Variants in CADM1 observed in about 807,000 individuals in gnomAD.
CADM1 encodes TSLC-1.
In CADM1, 15 loss-of-function variants were observed where a neutral mutation model predicts 53.1. The observed-to-expected ratio is 0.28, with a 90% CI of 0.19 to 0.44. CADM1 has a LOEUF of 0.44. CADM1 is among the 20% of genes least tolerant of loss of function. The probability of loss-of-function intolerance (pLI) is 1.00; values close to 1 mark genes in which losing one functional copy is unlikely to be tolerated. For synonymous variants in CADM1, 281 were observed against 243.0 expected, an observed-to-expected ratio of 1.16 and a Z score of -1.45; for missense variants, 434 against 611.3, an observed-to-expected ratio of 0.71 and a Z score of 3.06.
intron 7 of CADM1, 128 bp from the exon 8 acceptor site, chr11:115,209,785 TCTTTCC>T (rs999845850): frequency 5.9e-5 from 64 of 1,085,094 alleles, no homozygotes; most frequent in Non-Finnish European, 8.2e-5. Context: ...AACCAAAAGT[TCTTTCC>T]CTGCAAGATT....
intron 1 of CADM1, among the ~76,000 whole-genome samples, chr11:115,349,811 T>A (rs2135054584): frequency 6.6e-6 from 1 of 152,264 alleles, no homozygotes; most frequent in African/African-American, 2.4e-5. Context: ...GGTCCCTCCA[T>A]TAGAGGGATT....
intron 1 of CADM1, among the ~76,000 whole-genome samples, chr11:115,400,616 T>C (rs1028524448): frequency 7.1e-6 from 1 of 140,792 alleles, no homozygotes; most frequent in African/African-American, 2.6e-5. Flanking sequence ...AATATATATC[T>C]TTTATATATA....
At chr11:115,349,875 A>G (rs942605997) in intron 1 of CADM1, among the ~76,000 whole-genome samples, 4 of 152,280 alleles carry the variant, frequency 2.6e-5, no homozygotes, top group African/African-American at 9.6e-5. Flanking sequence ...TCGGGGAGGT[A>G]GTTCACAATA....
At chr11:115,246,205 T>C (rs1300916521) in intron 1 of CADM1, among the ~76,000 whole-genome samples, 1 of 152,208 alleles carries the variant, frequency 6.6e-6, no homozygotes, top group Non-Finnish European at 1.5e-5. Context: ...TTAGTATTTA[T>C]CTAAAATCAA....
chr11:115,385,654 G>A (rs888220307), intron 1 of CADM1, among the ~76,000 whole-genome samples: 3 of 145,010 alleles, frequency 2.1e-5, no homozygotes, highest in Non-Finnish European at 3.0e-5. Context: ...AAAAAAGCCC[G>A]CCACAGGTAC....
At chr11:115,238,384 T>G in intron 3 of CADM1, 116 bp downstream of exon 3, 1 of 1,132,204 alleles carries the variant, frequency 8.8e-7, no homozygotes, top group Non-Finnish European at 1.3e-6. Context: ...AGATGGGCGG[T>G]GATTCTTCCT....
chr11:115,488,990 T>C (rs1949436465), intron 1 of CADM1, among the ~76,000 whole-genome samples: 1 of 152,152 alleles, frequency 6.6e-6, no homozygotes, highest in African/African-American at 2.4e-5. Context: ...TCTAAGAATA[T>C]ATATATCTCA....
intron 9 of CADM1, among the ~76,000 whole-genome samples, chr11:115,194,533 T>G (rs1462900484): frequency 1.3e-5 from 2 of 152,198 alleles, no homozygotes; most frequent in Non-Finnish European, 2.9e-5. Context: ...AATTGCATAC[T>G]GAATTAAGAA....
At chr11:115,233,926 A>G (rs4409873) in intron 3 of CADM1, among the ~76,000 whole-genome samples, 131,529 of 152,238 alleles carry the variant, frequency 0.86, 56,985 homozygotes, top group African/African-American at 0.91. Context: ...TAGGGAATGG[A>G]CCAGATCAGA....
intron 3 of CADM1, among the ~76,000 whole-genome samples, chr11:115,231,986 CAATAATAAT>C (rs34209440): frequency 1.1e-4 from 16 of 148,380 alleles, no homozygotes; most frequent in African/African-American, 1.5e-4. Context: ...AACTCCGTCT[CAATAATAAT>C]AATAATAATA....
intron 1 of CADM1, among the ~76,000 whole-genome samples, chr11:115,382,789 A>G (rs1946610366): frequency 6.6e-6 from 1 of 152,236 alleles, no homozygotes; most frequent in South Asian, 2.1e-4. Context: ...AAACTGTAAG[A>G]TCCAGGAACG....
chr11:115,467,970 T>C (rs1295692451), intron 1 of CADM1, among the ~76,000 whole-genome samples: 2 of 152,234 alleles, frequency 1.3e-5, no homozygotes, highest in Admixed American at 6.5e-5. Flanking sequence ...ATCTTGATTA[T>C]AGCCACCAAT....
chr11:115,429,237 A>C lies in CADM1; in HGVS notation c.124+75034T>G, dbSNP rs77415537. Among the ~76,000 whole-genome samples the C allele has an allele frequency of 6.5e-4, 99 of 152,356 alleles. No homozygotes were observed. The East Asian group carries it at 0.019, about 29-fold the overall frequency. ...ATTAAAAATTGCTGAGAACTAAAAA[A>C]AATAGCACTCTCTGAATGCAGAATG... On this transcript the variant is annotated intron_variant, in intron 1 of 11. Transcript: ENST00000331581.
At chr11:115,435,714 G>A (rs1948169328) in intron 1 of CADM1, among the ~76,000 whole-genome samples, 1 of 152,204 alleles carries the variant, frequency 6.6e-6, no homozygotes, top group African/African-American at 2.4e-5. Flanking sequence ...CTGGGCCATA[G>A]AGTGAGACTC....
intron 5 of CADM1, 71 bp downstream of exon 5, chr11:115,229,042 T>A (rs1292472108): frequency 2.9e-5 from 41 of 1,436,642 alleles, no homozygotes; most frequent in Non-Finnish European, 3.2e-5. Flanking sequence ...ATGCATTGAA[T>A]AAATGGCTTC....
intron 1 of CADM1, among the ~76,000 whole-genome samples, chr11:115,460,685 T>C (rs912499757): frequency 2.0e-5 from 3 of 152,072 alleles, no homozygotes; most frequent in African/African-American, 7.2e-5. Context: ...TACCTCTTAT[T>C]CTCCCTTTTC....
chr11:115,225,115 A>C (rs967006237), intron 5 of CADM1, among the ~76,000 whole-genome samples: 2 of 152,216 alleles, frequency 1.3e-5, no homozygotes, highest in Non-Finnish European at 2.9e-5. Flanking sequence ...GCTGAGTCTC[A>C]GAATGAAAGC....
intron 9 of CADM1, among the ~76,000 whole-genome samples, chr11:115,197,192 A>T (rs548900421): frequency 6.6e-6 from 1 of 152,308 alleles, no homozygotes; most frequent in South Asian, 2.1e-4. Context: ...TCAAGGCCTG[A>T]CCTTCAAGGA....
At position 115,215,998 on chromosome 11, in the gene CADM1, T is replaced by C. The variant is rs537110963; in HGVS notation, c.822-1218A>G. On this transcript the variant is annotated intron_variant, in intron 6 of 11. Transcript: ENST00000331581. ...ACATGGGTTTGTCATCACAACCCAG[T>C]AAATTATTTAAAAATTAGTACTGCA... Among the ~76,000 whole-genome samples the C allele has an allele frequency of 1.7e-4, 26 of 152,342 alleles. No homozygotes were observed. In the South Asian group the frequency reaches 4.3e-3, roughly 25 times the overall value.
Sources: allele counts gnomAD v4.1 joint callset (sites outside exome capture counted in the v4.1 genomes callset), GRCh38; gene constraint gnomAD v4.1.1; transcripts MANE v1.5; gene names NCBI Gene and HGNC (gene_info 2026-07-23, HGNC 2026-07-21).